Variants in DMD observed in about 807,000 individuals in gnomAD.
The protein encoded by DMD is mutant dystrophin.
In DMD, 63 loss-of-function variants were observed where a neutral mutation model predicts 330.1. The ratio of observed to expected loss-of-function variants is 0.19; its 90% CI spans 0.16 to 0.24. The LOEUF (loss-of-function observed/expected upper bound fraction) is 0.24, where lower values mean the gene tolerates loss of function less well. Ranked by LOEUF, DMD falls within the 10% of genes least tolerant of loss-of-function variation. The pLI is 1.00. For synonymous variants in DMD, 1,223 were observed against 959.8 expected (o/e 1.27, Z -5.07); for missense variants, 3,344 against 2,684.1 (o/e 1.25, Z -5.43).
chrX:32,393,231 A>C (rs951292615), intron 30 of DMD, among the ~76,000 whole-genome samples: 13 of 111,139 alleles, frequency 1.2e-4, no homozygotes, highest in African/African-American at 4.3e-4. Context: ...TGAGAGTCCT[A>C]AATACTGTAT....
chrX:32,370,219 GTT>G (rs138937492), intron 34 of DMD, among the ~76,000 whole-genome samples: 42,045 of 95,232 alleles, frequency 0.44, 7,380 homozygotes, highest in East Asian at 0.75. Context: ...AAGTGGTAGT[GTT>G]TTTTTTTTTT....
At chrX:31,406,351 A>G (rs770254479) in intron 60 of DMD, among the ~76,000 whole-genome samples, 1 of 111,427 alleles carries the variant, frequency 9.0e-6, no homozygotes, top group South Asian at 3.8e-4. Flanking sequence ...GTGTTTACCT[A>G]TGTAACAAAC....
chrX:32,770,383 G>A (rs989784854), intron 7 of DMD, among the ~76,000 whole-genome samples: 3 of 111,598 alleles, frequency 2.7e-5, no homozygotes, highest in African/African-American at 9.8e-5. Flanking sequence ...ATTCGGAATA[G>A]AAAACTACAT....
At chrX:32,988,619 G>A (rs1403387853) in intron 2 of DMD, among the ~76,000 whole-genome samples, 1 of 111,949 alleles carries the variant, frequency 8.9e-6, no homozygotes, top group Admixed American at 9.5e-5. Context: ...AGATATTGAT[G>A]TCTTTGTAGA....
At chrX:32,784,928 T>C (rs375076458) in intron 7 of DMD, among the ~76,000 whole-genome samples, 25 of 111,553 alleles carry the variant, frequency 2.2e-4, no homozygotes, top group African/African-American at 7.8e-4. Context: ...TTTTACTTCC[T>C]GACACACTTG....
At chrX:32,078,121 C>T (rs1424133220) in intron 44 of DMD, among the ~76,000 whole-genome samples, 1 of 111,664 alleles carries the variant, frequency 9.0e-6, no homozygotes, top group Admixed American at 9.5e-5. Context: ...ATAAGCATCC[C>T]CAAACTAGCA....
intron 2 of DMD, among the ~76,000 whole-genome samples, chrX:32,997,087 AG>A (rs1374473449): frequency 9.0e-6 from 1 of 111,279 alleles, no homozygotes; most frequent in East Asian, 2.8e-4. Context: ...CTGGTCTTCT[AG>A]TGAAACCATC....
intron 41 of DMD, 112 bp downstream of exon 41, chrX:32,341,988 A>C: frequency 1.3e-6 from 1 of 790,410 alleles, no homozygotes; most frequent in Non-Finnish European, 1.8e-6. Context: ...AATGTACATT[A>C]GAAGTTTAAA....
chrX:31,477,830 CAT>C (rs1218490350), intron 59 of DMD, among the ~76,000 whole-genome samples: 1 of 100,688 alleles, frequency 9.9e-6, no homozygotes, highest in East Asian at 3.2e-4. Context: ...CACACACACA[CAT>C]CAGACTTTAG....
At chrX:31,140,924 C>T (rs2035962152) in intron 76 of DMD, among the ~76,000 whole-genome samples, 1 of 111,666 alleles carries the variant, frequency 9.0e-6, no homozygotes, top group South Asian at 3.8e-4. Context: ...GGTGTGGTGG[C>T]TCATGCCTTT....
chrX:31,896,457 T>A (rs2094334208), intron 47 of DMD, among the ~76,000 whole-genome samples: 1 of 112,054 alleles, frequency 8.9e-6, no homozygotes, highest in East Asian at 2.8e-4. Context: ...CTGCTTATTT[T>A]TTTCAATTTT....
At chrX:32,515,366 T>C (rs2045755246) in intron 18 of DMD, among the ~76,000 whole-genome samples, 1 of 111,219 alleles carries the variant, frequency 9.0e-6, no homozygotes, top group Non-Finnish European at 1.9e-5. Context: ...ACTGGCTTGA[T>C]GATTTCCAGC....
chrX:32,366,542 G>A (rs1474420881), intron 34 of DMD, among the ~76,000 whole-genome samples: 2 of 111,938 alleles, frequency 1.8e-5, no homozygotes, highest in Non-Finnish European at 3.8e-5. Context: ...AAACACACAA[G>A]GAGCAGCTCT....
chrX:32,210,549 T>C (rs1405310706), intron 44 of DMD, among the ~76,000 whole-genome samples: 4 of 111,526 alleles, frequency 3.6e-5, no homozygotes, highest in African/African-American at 1.3e-4. Flanking sequence ...ATACAGAAAA[T>C]ATACTTGTGT....
At chrX:32,076,081 A>G (rs2096345770) in intron 44 of DMD, among the ~76,000 whole-genome samples, 1 of 92,919 alleles carries the variant, frequency 1.1e-5, no homozygotes, top group Non-Finnish European at 2.1e-5. Flanking sequence ...AAAAAAAAAA[A>G]AAAAAAGAGA....
At chrX:31,293,572 G>A (rs1166762686) in intron 62 of DMD, among the ~76,000 whole-genome samples, 1 of 110,881 alleles carries the variant, frequency 9.0e-6, no homozygotes, top group Non-Finnish European at 1.9e-5. Context: ...TGGCAGTGAG[G>A]CTTGGGTTAA....
At chrX:33,070,671 CTCTATATATATATA>C (rs1472723597) in intron 1 of DMD, among the ~76,000 whole-genome samples, 62 of 44,005 alleles carry the variant, frequency 1.4e-3, no homozygotes, top group African/African-American at 5.0e-3. Context: ...CTCTCTCTCT[CTCTATATATATATA>C]TATATATATA....
intron 7 of DMD, among the ~76,000 whole-genome samples, chrX:32,797,139 G>C (rs1362095990): frequency 2.7e-5 from 3 of 110,812 alleles, no homozygotes; most frequent in Non-Finnish European, 5.7e-5. Flanking sequence ...TGTGGGATGG[G>C]GGGACAGGGC....
intron 7 of DMD, among the ~76,000 whole-genome samples, chrX:32,766,257 G>A (rs1382610378): frequency 9.0e-6 from 1 of 111,380 alleles, no homozygotes; most frequent in East Asian, 2.8e-4. Context: ...CTTAGAGATG[G>A]CACTGAATGT....
Sources: allele counts gnomAD v4.1 joint callset (sites outside exome capture counted in the v4.1 genomes callset), GRCh38; gene constraint gnomAD v4.1.1; transcripts MANE v1.5; gene names NCBI Gene and HGNC (gene_info 2026-07-23, HGNC 2026-07-21).